The following ANO1 variants were observed in gnomAD, a reference collection of about 807,000 sequenced individuals.
The protein encoded by ANO1 is anoctamin 1.
Under a neutral mutation model 124.0 loss-of-function variants are expected in ANO1, and 59 were observed. The observed-to-expected ratio is 0.48, with a 90% confidence interval of 0.39 to 0.59. ANO1 has a LOEUF of 0.59. Among genes scored for constraint, ANO1 ranks in the 20% least tolerant of loss-of-function variants. The probability of loss-of-function intolerance (pLI) is 0.00; values close to 1 mark genes in which losing one functional copy is unlikely to be tolerated. For synonymous variants in ANO1, 529 were observed against 532.0 expected (o/e 0.99, Z 0.08); for missense variants, 1,059 against 1,328.0 (o/e 0.80, Z 3.15).
At chr11:70,115,360 C>T (rs555681211) in intron 7 of ANO1, among the ~76,000 whole-genome samples, 4 of 152,266 alleles carry the variant, frequency 2.6e-5, no homozygotes, top group Admixed American at 2.6e-4. Flanking sequence ...CACCTGTAAT[C>T]GCAGCACTTT....
At chr11:70,040,492 C>T (rs1377392345) in intron 1 of ANO1, among the ~76,000 whole-genome samples, 4 of 152,110 alleles carry the variant, frequency 2.6e-5, no homozygotes, top group African/African-American at 4.8e-5. Context: ...GCCTGGCCAA[C>T]ATAGTGAAAC....
chr11:70,095,427 A>AAAGAAAGAAAAGAAAG (rs10667749), intron 2 of ANO1, among the ~76,000 whole-genome samples: 5 of 30,690 alleles, frequency 1.6e-4, no homozygotes, highest in East Asian at 8.5e-4. Flanking sequence ...AGAAAGAAAG[A>AAAGAAAGAAAAGAAAG]AAAGAAAAGA....
chr11:70,065,309 A>T (rs570961619), intron 1 of ANO1: 1 of 152,358 alleles, frequency 6.6e-6, no homozygotes, highest in Admixed American at 6.5e-5. Context: ...CCTGGATTCA[A>T]CCATCATTAG....
intron 11 of ANO1, chr11:70,141,672 C>G (rs2047159207): frequency 6.6e-6 from 1 of 152,236 alleles, no homozygotes; most frequent in Non-Finnish European, 1.5e-5. Flanking sequence ...GACAAAGCCC[C>G]CATCCCGGGC....
intron 11 of ANO1, among the ~76,000 whole-genome samples, chr11:70,144,749 G>C (rs753050187): frequency 5.3e-5 from 8 of 152,216 alleles, no homozygotes; most frequent in Non-Finnish European, 1.2e-4. Flanking sequence ...TGCACTCAAG[G>C]CTGTTTCTTC....
intron 1 of ANO1, chr11:70,021,008 C>G (rs921090509): frequency 6.6e-6 from 1 of 152,176 alleles, no homozygotes; most frequent in Non-Finnish European, 1.5e-5. Context: ...CCTTTACAGA[C>G]AGGCCATAAG....
chr11:70,037,333 G>T (rs995227305), intron 1 of ANO1, among the ~76,000 whole-genome samples: 2 of 152,226 alleles, frequency 1.3e-5, no homozygotes, highest in Admixed American at 6.5e-5. Context: ...AGAAAGAGAA[G>T]AATTGGGATT....
intron 1 of ANO1, among the ~76,000 whole-genome samples, chr11:70,034,107 C>A (rs971070140): frequency 6.6e-6 from 1 of 152,218 alleles, no homozygotes; most frequent in South Asian, 2.1e-4. Context: ...AATTTCATTG[C>A]GCATGGAGCC....
At chr11:70,003,603 ATGGATG>A (rs1856426968) in intron 1 of ANO1, among the ~76,000 whole-genome samples, 3 of 74,436 alleles carry the variant, frequency 4.0e-5, no homozygotes, top group African/African-American at 8.2e-5. Flanking sequence ...GGGTGGATGG[ATGGATG>A]GATGGATGGA....
chr11:70,073,673 A>G (rs1034330550), upstream of ANO1, among the ~76,000 whole-genome samples: 2 of 152,098 alleles, frequency 1.3e-5, no homozygotes, highest in African/African-American at 2.4e-5. Flanking sequence ...GGCTACCAGG[A>G]GGAGGTGGCC....
rs113876563 is a variant in ANO1, at chr11:70,028,715, C to T, written c.58+42549C>T. On this transcript the variant is annotated intron_variant, in intron 1 of 27. Transcript: ENST00000531349. Reference sequence around the variant, plus strand: ...GAGCATAGCAGGGGCAGACTTGGGTCCTCTGCTCCGTGCTCTGACAGATCG... The same window carrying T: ...GAGCATAGCAGGGGCAGACTTGGGTTCTCTGCTCCGTGCTCTGACAGATCG... Among the ~76,000 whole-genome samples the T allele has an allele frequency of 2.9e-3, 446 of 152,242 alleles. 2 individuals are homozygous for T. Among genetic ancestry groups the T allele is most frequent in the African/African-American group, 0.01 (426 of 41,536 alleles).
chr11:69,985,033 C>T (rs1309443966), upstream of ANO1, among the ~76,000 whole-genome samples: 1 of 152,174 alleles, frequency 6.6e-6, no homozygotes, highest in Non-Finnish European at 1.5e-5. Flanking sequence ...TCCGTAGGGC[C>T]CACATTGCTG....
chr11:70,105,678 A>G (rs1352369427), intron 4 of ANO1, 56 bp from the exon 5 acceptor site: 1 of 1,557,396 alleles, frequency 6.4e-7, no homozygotes, highest in Non-Finnish European at 8.9e-7. Context: ...CTTGAAACCC[A>G]GAGAACTGCC....
intron 6 of ANO1, chr11:70,111,104 C>G (rs772131275): frequency 3.1e-5 from 14 of 456,506 alleles, no homozygotes; most frequent in Admixed American, 3.1e-4. Flanking sequence ...TTCCACCTCA[C>G]TAATAGCCAA....
chr11:70,007,323 C>T (rs1210003239), intron 1 of ANO1, among the ~76,000 whole-genome samples: 1 of 147,528 alleles, frequency 6.8e-6, no homozygotes, highest in African/African-American at 2.5e-5. Flanking sequence ...GTCACCCAGG[C>T]TGGAGTGCAG....
intron 24 of ANO1, among the ~76,000 whole-genome samples, chr11:70,183,365 C>T (rs2135847485): frequency 1.3e-5 from 2 of 152,320 alleles, no homozygotes; most frequent in African/African-American, 4.8e-5. Flanking sequence ...CTTCTGTTTC[C>T]CAATAGTCAG....
chr11:70,004,808 G>T (rs1554999827), intron 1 of ANO1, among the ~76,000 whole-genome samples: 1 of 152,132 alleles, frequency 6.6e-6, no homozygotes, highest in East Asian at 1.9e-4. Context: ...TCCTTGACTT[G>T]GGGAATTAGA....
upstream of ANO1, among the ~76,000 whole-genome samples, chr11:69,984,742 G>A (rs1248129719): frequency 6.6e-6 from 1 of 152,192 alleles, no homozygotes; most frequent in Non-Finnish European, 1.5e-5. Context: ...GGCACTAGGT[G>A]AAGTGTTACC....
chr11:69,990,961 AT>A (rs1290267681), intron 1 of ANO1, among the ~76,000 whole-genome samples: 2 of 151,988 alleles, frequency 1.3e-5, no homozygotes, highest in Non-Finnish European at 2.9e-5. Context: ...AAAATTTTTA[AT>A]TTTCATGAAG....
Sources: gnomAD v4.1 joint callset for allele counts (sites outside exome capture counted in the v4.1 genomes callset) on GRCh38, gnomAD v4.1.1 for gene constraint, MANE v1.5 for transcripts, NCBI Gene and HGNC (gene_info 2026-07-23, HGNC 2026-07-21) for gene names.